The following TENM4 variants were observed in gnomAD, a reference collection of about 807,000 sequenced individuals.
TENM4 encodes the protein teneurin-4.
A neutral mutation model predicts 243.3 loss-of-function variants in TENM4; 82 were observed. The ratio of observed to expected loss-of-function variants is 0.34; its 90% CI spans 0.28 to 0.40. The LOEUF is 0.40. TENM4 is among the 10% of genes least tolerant of loss of function. The probability of loss-of-function intolerance (pLI) is 1.00; values close to 1 mark genes in which losing one functional copy is unlikely to be tolerated. For missense variants in TENM4, 3,138 were observed against 3,673.3 expected (o/e 0.85, Z 3.77); for synonymous variants, 1,412 against 1,456.3 (o/e 0.97, Z 0.69).
intron 1 of TENM4, among the ~76,000 whole-genome samples, chr11:79,321,818 G>A (rs1340326462): frequency 6.6e-6 from 1 of 152,116 alleles, no homozygotes; most frequent in Non-Finnish European, 1.5e-5. Context: ...AAAGCTTGAG[G>A]TATCAGAAGG....
intron 15 of TENM4, among the ~76,000 whole-genome samples, chr11:78,801,018 T>TGGTACATGCTA (rs1291502254): frequency 6.6e-6 from 1 of 152,212 alleles, no homozygotes; most frequent in Admixed American, 6.5e-5. Context: ...GTTCAGTGCC[T>TGGTACATGCTA]GGTACATGCT....
intron 1 of TENM4, among the ~76,000 whole-genome samples, chr11:79,431,955 T>C (rs1859177795): frequency 6.6e-6 from 1 of 152,236 alleles, no homozygotes; most frequent in Non-Finnish European, 1.5e-5. Context: ...TGTCTTACAA[T>C]GATAGAAATG....
intron 6 of TENM4, among the ~76,000 whole-genome samples, chr11:79,020,664 T>C (rs1031402357): frequency 4.6e-5 from 7 of 152,196 alleles, no homozygotes; most frequent in Admixed American, 1.3e-4. Flanking sequence ...CTCTGTTGTC[T>C]ACTGTTGCTG....
At chr11:78,872,158 A>G (rs1272144899) in intron 9 of TENM4, among the ~76,000 whole-genome samples, 1 of 152,228 alleles carries the variant, frequency 6.6e-6, no homozygotes, top group Non-Finnish European at 1.5e-5. Context: ...AGCAGATTCC[A>G]GTGATGCCAG....
At chr11:78,736,479 T>TGTGTGTGTGTGCGCGCGC (rs796898751) in intron 20 of TENM4, among the ~76,000 whole-genome samples, 8 of 99,334 alleles carry the variant, frequency 8.1e-5, no homozygotes, top group African/African-American at 1.8e-4. Context: ...TGTGTGTGTG[T>TGTGTGTGTGTGCGCGCGC]GCGCGCGCGT....
intron 1 of TENM4, among the ~76,000 whole-genome samples, chr11:79,386,061 CAGAT>C (rs1448972121): frequency 3.9e-5 from 6 of 152,180 alleles, no homozygotes; most frequent in African/African-American, 1.4e-4. Context: ...ACTTTAGAAT[CAGAT>C]AGCCCTGGCC....
In TENM4 at chr11:78,903,383, T is replaced by C; in HGVS notation, c.634A>G (p.Ser212Gly). 1 of 1,531,786 alleles carries C rather than the reference T, an allele frequency of 6.5e-7. No individual in the cohort carries two copies. Among genetic ancestry groups the C allele is most frequent in the South Asian group, 1.2e-5 (1 of 82,352 alleles). 94.9% of individuals were successfully genotyped at this position (1,531,786 alleles called of 1,614,324 possible). A position where few individuals can be genotyped will look rare whatever the true frequency, so the allele number is the denominator to read the frequency against. The change falls in exon 7 of 34, where the codon AGC (serine) becomes GGC (glycine). Residue 212 changes from serine (S) to glycine (G), a missense_variant. Around this residue, in one of 2 missense-constraint regions of TENM4, gnomAD observed 671 missense variants for 614.1 expected, o/e 1.09. Coordinates refer to ENST00000278550, the MANE Select transcript of TENM4 (RefSeq NM_001098816.3). The part of the protein sequence containing the change: ...RGNFTPRSNP[S>G]PAPTDHSLSG... The stretch of plus-strand genomic sequence containing the variant: ...AGCGAGTGGTCCGTGGGGGCCGGGC[T>C]GGGGTTGCTCCTCGGCGTGAAGTTG...
intron 3 of TENM4, among the ~76,000 whole-genome samples, chr11:79,204,295 AT>A (rs1356410630): frequency 6.6e-6 from 1 of 152,236 alleles, no homozygotes; most frequent in Admixed American, 6.5e-5. Flanking sequence ...TAAAGCTGCT[AT>A]TTTTAGAAAG....
In TENM4 at chr11:78,778,682, G is replaced by A. The variant is rs1382385660; in HGVS notation, c.2366-54C>T. The A allele has an allele frequency of 4.6e-5, 71 of 1,532,476 alleles. No homozygotes were observed. The South Asian group carries it at 6.1e-4, about 13-fold the overall frequency. The allele number at this position is 1,532,476 out of a possible 1,614,324, so 94.9% of individuals were successfully genotyped here. A position where few individuals can be genotyped will look rare whatever the true frequency, so the allele number is the denominator to read the frequency against. On this transcript the variant is annotated intron_variant, in intron 16 of 33. Transcript: ENST00000278550. ...GGTAGGATCCAGTAAGTGCAATATCGCCTGCCACATAACCATGCCAGATGC... is the reference window on the plus strand; with the variant it reads ...GGTAGGATCCAGTAAGTGCAATATCACCTGCCACATAACCATGCCAGATGC...
chr11:79,170,019 A>G (rs1465852730), intron 3 of TENM4, among the ~76,000 whole-genome samples: 2 of 152,176 alleles, frequency 1.3e-5, no homozygotes, highest in African/African-American at 2.4e-5. Flanking sequence ...GCCCCTAAAG[A>G]GAGCTGGCTG....
At chr11:78,696,984 T>G (rs1858983605) in intron 28 of TENM4, among the ~76,000 whole-genome samples, 1 of 152,152 alleles carries the variant, frequency 6.6e-6, no homozygotes, top group African/African-American at 2.4e-5. Context: ...TGATGGAAGA[T>G]GAGGTGAGCA....
intron 2 of TENM4, among the ~76,000 whole-genome samples, chr11:79,282,436 C>A (rs1856173036): frequency 1.3e-5 from 2 of 152,222 alleles, no homozygotes; most frequent in Non-Finnish European, 2.9e-5. Flanking sequence ...CAATTCAAAA[C>A]TCTCTTTTAG....
chr11:79,173,716 T>C (rs1007384579), intron 3 of TENM4, among the ~76,000 whole-genome samples: 9 of 152,200 alleles, frequency 5.9e-5, no homozygotes, highest in African/African-American at 2.2e-4. Context: ...TAAAGCCTGG[T>C]GCAGAGCTGC....
intron 2 of TENM4, among the ~76,000 whole-genome samples, chr11:79,239,787 A>G (rs1864553715): frequency 6.6e-6 from 1 of 152,130 alleles, no homozygotes; most frequent in South Asian, 2.1e-4. Context: ...AAACATCATT[A>G]CCCCATCCCA....
chr11:78,880,198 G>A lies in TENM4; in HGVS notation c.1084+9587C>T, dbSNP rs530708281. 3.2e-3 allele frequency among the ~76,000 whole-genome samples: 482 copies of A among 152,252 alleles called. 1 individual carries two copies. Among genetic ancestry groups the A allele is most frequent in the African/African-American group, 0.011 (461 of 41,518 alleles). On this transcript the variant is annotated intron_variant, in intron 9 of 33. Transcript: ENST00000278550. ...GAAACATGTGCTGTGTCAACTCAGG[G>A]TTAAATGGATTAAGGGCGGTGCAAG...
chr11:78,704,157 G>GTGTGTGTATATATATA (rs1201390547), intron 27 of TENM4, among the ~76,000 whole-genome samples: 1 of 70,536 alleles, frequency 1.4e-5, no homozygotes, highest in African/African-American at 6.0e-5. Flanking sequence ...ATGTATGTGT[G>GTGTGTGTATATATATA]TCTATATATA....
At chr11:79,012,511 G>C (rs1263502436) in intron 6 of TENM4, among the ~76,000 whole-genome samples, 1 of 152,146 alleles carries the variant, frequency 6.6e-6, no homozygotes, top group African/African-American at 2.4e-5. Flanking sequence ...GGAGAAAATT[G>C]AGGCAGTTTT....
chr11:79,335,634 G>A (rs1857135883), intron 1 of TENM4, among the ~76,000 whole-genome samples: 1 of 152,198 alleles, frequency 6.6e-6, no homozygotes, highest in Admixed American at 6.5e-5. Flanking sequence ...TATAAGCACT[G>A]AGACCAGAAA....
At chr11:79,030,037 A>G (rs966558900) in intron 6 of TENM4, among the ~76,000 whole-genome samples, 6 of 152,130 alleles carry the variant, frequency 3.9e-5, no homozygotes, top group African/African-American at 7.2e-5. Flanking sequence ...CACCCAGTTC[A>G]ATGGGAGGCA....
Sources: allele counts gnomAD v4.1 joint callset (sites outside exome capture counted in the v4.1 genomes callset), GRCh38; gene constraint gnomAD v4.1.1; regional missense constraint gnomAD v4.1.1; transcripts MANE v1.5; gene names NCBI Gene and HGNC (gene_info 2026-07-23, HGNC 2026-07-21).